The following PTER variants were observed in gnomAD, a reference collection of about 807,000 sequenced individuals.
PTER encodes N-acetyltaurine hydrolase.
Under a neutral mutation model 29.6 loss-of-function variants are expected in PTER, and 38 were observed. That is an observed-to-expected ratio of 1.28 (90% CI 0.99 to 1.68). PTER has a LOEUF of 1.68. Ranked by LOEUF, PTER falls within the 40% of genes most tolerant of loss-of-function variation. The probability of loss-of-function intolerance (pLI) is 0.00; values close to 1 mark genes in which losing one functional copy is unlikely to be tolerated. For missense variants in PTER, 482 were observed against 427.8 expected, an observed-to-expected ratio of 1.13 and a Z score of -1.12; for synonymous variants, 172 against 154.5, an observed-to-expected ratio of 1.11 and a Z score of -0.84.
chr10:16,477,207 A>G (rs1422344382), intron 1 of PTER, among the ~76,000 whole-genome samples: 2 of 152,036 alleles, frequency 1.3e-5, no homozygotes, highest in African/African-American at 4.8e-5. Context: ...CTGGGCCTAG[A>G]GTTTTCTTTT....
intron 1 of PTER, among the ~76,000 whole-genome samples, chr10:16,471,149 A>T (rs1029468791): frequency 6.6e-6 from 1 of 152,200 alleles, no homozygotes; most frequent in Non-Finnish European, 1.5e-5. Flanking sequence ...AAAATGAACC[A>T]TAGCACTAGA....
chr10:16,475,973 G>A (rs1262551810), intron 1 of PTER: 3 of 152,212 alleles, frequency 2.0e-5, no homozygotes, highest in African/African-American at 7.2e-5. Flanking sequence ...TTGGAAAATA[G>A]TTCAAAGTTT....
At chr10:16,501,626 A>G (rs979958299) in intron 3 of PTER, among the ~76,000 whole-genome samples, 1 of 152,218 alleles carries the variant, frequency 6.6e-6, no homozygotes, top group Non-Finnish European at 1.5e-5. Context: ...TTTCAAGTGC[A>G]GTGTGAGGGT....
chr10:16,454,228 T>G (rs1014559161), intron 1 of PTER, among the ~76,000 whole-genome samples: 1 of 152,210 alleles, frequency 6.6e-6, no homozygotes, highest in Admixed American at 6.5e-5. Flanking sequence ...TAAGTTAACA[T>G]TAATTTTTGG....
At chr10:16,461,394 A>G (rs61844130) in intron 1 of PTER, among the ~76,000 whole-genome samples, 2 of 151,934 alleles carry the variant, frequency 1.3e-5, no homozygotes, top group Non-Finnish European at 2.9e-5. Context: ...GATTTTTTCT[A>G]TTTTTGTGAG....
At chr10:16,492,756 T>C (rs567502791) in intron 3 of PTER, among the ~76,000 whole-genome samples, 1 of 152,310 alleles carries the variant, frequency 6.6e-6, no homozygotes, top group East Asian at 1.9e-4. Context: ...GGCCTAGAGT[T>C]TGATTAAGGG....
intron 2 of PTER, among the ~76,000 whole-genome samples, chr10:16,485,367 C>A (rs1181103752): frequency 6.6e-6 from 1 of 152,118 alleles, no homozygotes; most frequent in South Asian, 2.1e-4. Flanking sequence ...TAAGAATGGG[C>A]AGAAGGAAGT....
At chr10:16,444,675 G>C (rs879798259) in intron 1 of PTER, among the ~76,000 whole-genome samples, 3 of 152,072 alleles carry the variant, frequency 2.0e-5, no homozygotes, top group Non-Finnish European at 4.4e-5. Flanking sequence ...TCACAGGCAT[G>C]AGCCACCACA....
rs1443383568 is a variant in PTER at position 16,459,517 on chromosome 10, T to TA, written c.-49+22476dup. ...GGTTTAGATAAATATCGATTATTTT[T>TA]AAAAAACTAGGAACATTTAGGAACT... On this transcript the variant is annotated intron_variant, in intron 1 of 4. Coordinates refer to ENST00000535784, the MANE Select transcript of PTER (RefSeq NM_001261836.2). Among the ~76,000 whole-genome samples the TA allele has an allele frequency of 1.2e-3, 190 of 152,304 alleles. No homozygotes were observed. The Middle Eastern group carries it at 0.02, about 16-fold the overall frequency.
intron 1 of PTER, among the ~76,000 whole-genome samples, chr10:16,456,195 A>G (rs77215353): frequency 0.017 from 2,625 of 152,334 alleles, 79 homozygotes; most frequent in African/African-American, 0.06. Context: ...AAATACGTAC[A>G]TTCTTTCCAG....
At chr10:16,489,679 C>G (rs998759229) in intron 3 of PTER, among the ~76,000 whole-genome samples, 2 of 151,860 alleles carry the variant, frequency 1.3e-5, no homozygotes, top group Non-Finnish European at 2.9e-5. Context: ...ATCTTTTAAA[C>G]ATTTTGAAAT....
At chr10:16,514,464 C>G (rs1057121905), downstream of PTER, 2 of 1,426,324 alleles carry the variant, frequency 1.4e-6, no homozygotes, top group African/African-American at 2.8e-5. Context: ...ATCCTTGATT[C>G]ACTGACGTTA....
intron 3 of PTER, among the ~76,000 whole-genome samples, chr10:16,495,940 A>C (rs1043823666): frequency 6.6e-6 from 1 of 152,174 alleles, no homozygotes; most frequent in Admixed American, 6.5e-5. Context: ...CTTGTTATTT[A>C]ATGGTGCCAA....
At chr10:16,450,035 C>G (rs1439466931) in intron 1 of PTER, among the ~76,000 whole-genome samples, 1 of 152,152 alleles carries the variant, frequency 6.6e-6, no homozygotes, top group Non-Finnish European at 1.5e-5. Flanking sequence ...CAGGCTGATC[C>G]AACTTTATGT....
At chr10:16,467,961 C>A (rs2171730) in intron 1 of PTER, among the ~76,000 whole-genome samples, 18,896 of 152,082 alleles carry the variant, frequency 0.12, 1,892 homozygotes, top group African/African-American at 0.26. Flanking sequence ...TTAGCTCTTC[C>A]GATTTGGGAA....
At chr10:16,494,950 T>A (rs1028784267) in intron 3 of PTER, among the ~76,000 whole-genome samples, 4 of 133,046 alleles carry the variant, frequency 3.0e-5, no homozygotes, top group African/African-American at 1.1e-4. Context: ...TTACAATCAC[T>A]CAATTATAGT....
rs1308447600 is a variant in PTER, at chr10:16,484,701, A to G, written c.317A>G (p.Asp106Gly). ...AACACAACCACTGGGATTAGCCGAG[A>G]CACACAGACGTTGAAGAGGCTTGCA... ...VENTTTGISRDTQTLKRLAEE... is the reference protein window; with the variant it reads ...VENTTTGISRGTQTLKRLAEE... The change falls in exon 2 of 5, where the codon GAC (aspartate) becomes GGC (glycine). Residue 106 changes from aspartate (D) to glycine (G), a missense_variant. Asp to Gly is a moderately conservative substitution (Grantham distance 94, BLOSUM62 -1). Coordinates refer to ENST00000535784, the MANE Select transcript of PTER (RefSeq NM_001261836.2). 5.6e-6 allele frequency: 9 copies of G among 1,614,194 alleles called. No homozygotes were observed. The highest frequency in any genetic ancestry group is 6.8e-6 in the Non-Finnish European group (8 of 1,180,016).
intron 3 of PTER, 26 bp from the exon 4 acceptor site, chr10:16,504,994 C>T (rs1836502515): frequency 2.5e-6 from 4 of 1,611,948 alleles, no homozygotes; most frequent in African/African-American, 1.3e-5. Flanking sequence ...TTCATAATAA[C>T]AGTTCATCTG....
At chr10:16,439,651 G>GACAT (rs1295412985) in intron 1 of PTER, among the ~76,000 whole-genome samples, 1 of 152,134 alleles carries the variant, frequency 6.6e-6, no homozygotes, top group Non-Finnish European at 1.5e-5. Flanking sequence ...GTTCATACAG[G>GACAT]ACATACATAC....
Sources: gnomAD v4.1 joint callset for allele counts (sites outside exome capture counted in the v4.1 genomes callset) on GRCh38, gnomAD v4.1.1 for gene constraint, MANE v1.5 for transcripts, NCBI Gene and HGNC (gene_info 2026-07-23, HGNC 2026-07-21) for gene names.